The following MACROD2 variants were observed in gnomAD, a reference collection of about 807,000 sequenced individuals.
MACROD2 encodes mono-ADP ribosylhydrolase 2, also known as ADP-ribose glycohydrolase MACROD2.
A neutral mutation model predicts 70.4 loss-of-function variants in MACROD2; 36 were observed. The ratio of observed to expected loss-of-function variants is 0.51; its 90% CI spans 0.39 to 0.68. The LOEUF is 0.68. Ranked by LOEUF, MACROD2 falls within the 30% of genes least tolerant of loss-of-function variation. The probability of loss-of-function intolerance (pLI) is 0.00; values close to 1 mark genes in which losing one functional copy is unlikely to be tolerated. For missense variants in MACROD2, 496 were observed against 538.4 expected (o/e 0.92, Z 0.78); for synonymous variants, 172 against 178.8 (o/e 0.96, Z 0.30).
intron 3 of MACROD2, among the ~76,000 whole-genome samples, chr20:14,271,837 C>T (rs1360577749): frequency 2.6e-5 from 4 of 151,936 alleles, no homozygotes; most frequent in South Asian, 2.1e-4. Flanking sequence ...TCGAGAACTA[C>T]GTGAAGAACA....
intron 8 of MACROD2, among the ~76,000 whole-genome samples, chr20:15,570,452 C>G (rs1205214468): frequency 6.6e-6 from 1 of 152,114 alleles, no homozygotes; most frequent in Non-Finnish European, 1.5e-5. Context: ...GACTACAACT[C>G]GTATGTACAT....
intron 2 of MACROD2, among the ~76,000 whole-genome samples, chr20:14,082,476 G>A (rs867287798): frequency 1.3e-5 from 2 of 151,292 alleles, no homozygotes; most frequent in Non-Finnish European, 2.9e-5. Flanking sequence ...ACAGGCGTGA[G>A]CCACCGCGCC....
chr20:15,586,802 CAA>C (rs1568912370), intron 8 of MACROD2, among the ~76,000 whole-genome samples: 1 of 151,838 alleles, frequency 6.6e-6, no homozygotes, highest in Admixed American at 6.6e-5. Flanking sequence ...AAGCAATAAA[CAA>C]AGAGAATATA....
intron 3 of MACROD2, among the ~76,000 whole-genome samples, chr20:14,135,857 G>A (rs2054788874): frequency 6.6e-6 from 1 of 152,108 alleles, no homozygotes; most frequent in Admixed American, 6.5e-5. Flanking sequence ...GAACTTTAGG[G>A]ATATCTCTGA....
intron 3 of MACROD2, among the ~76,000 whole-genome samples, chr20:14,366,163 G>A (rs1240285139): frequency 6.6e-6 from 1 of 152,024 alleles, no homozygotes; most frequent in East Asian, 1.9e-4. Flanking sequence ...TTAATCTCAT[G>A]TCTAAATATT....
intron 15 of MACROD2, among the ~76,000 whole-genome samples, chr20:15,989,459 C>T (rs936704135): frequency 6.6e-6 from 1 of 152,164 alleles, no homozygotes; most frequent in African/African-American, 2.4e-5. Flanking sequence ...CCTTGTTTGT[C>T]AGTATCTCAA....
chr20:15,545,042 G>A (rs751873176), intron 8 of MACROD2, among the ~76,000 whole-genome samples: 1 of 152,208 alleles, frequency 6.6e-6, no homozygotes, highest in African/African-American at 2.4e-5. Flanking sequence ...TTTATACTCT[G>A]CTTTCAAGTA....
intron 5 of MACROD2, among the ~76,000 whole-genome samples, chr20:15,130,644 A>T (rs559823269): frequency 6.6e-6 from 1 of 152,236 alleles, no homozygotes; most frequent in East Asian, 1.9e-4. Flanking sequence ...AAAGCTAATT[A>T]ACTTTTGCAA....
At chr20:16,007,827 G>A (rs1258682226) in intron 15 of MACROD2, among the ~76,000 whole-genome samples, 1 of 152,044 alleles carries the variant, frequency 6.6e-6, no homozygotes, top group Non-Finnish European at 1.5e-5. Context: ...AACAGAGTAT[G>A]ACACTCGAGA....
At chr20:15,422,463 A>G (rs1202667308) in intron 6 of MACROD2, among the ~76,000 whole-genome samples, 1 of 152,092 alleles carries the variant, frequency 6.6e-6, no homozygotes, top group East Asian at 1.9e-4. Context: ...GAAATCCTTT[A>G]GTATTCCTTT....
At chr20:16,046,260 T>C (rs2067379664) in intron 17 of MACROD2, among the ~76,000 whole-genome samples, 2 of 152,198 alleles carry the variant, frequency 1.3e-5, no homozygotes, top group South Asian at 4.1e-4. Flanking sequence ...TAATGGTATC[T>C]GTGTAATGCA....
chr20:14,216,826 TA>T (rs1186616820), intron 3 of MACROD2, among the ~76,000 whole-genome samples: 1 of 152,172 alleles, frequency 6.6e-6, no homozygotes, highest in African/African-American at 2.4e-5. Flanking sequence ...TGTTGGTGTA[TA>T]GAAGAGCTAC....
chr20:15,702,241 C>T (rs2050471020), intron 8 of MACROD2, among the ~76,000 whole-genome samples: 1 of 152,232 alleles, frequency 6.6e-6, no homozygotes, highest in South Asian at 2.1e-4. Context: ...AAATCTCCAA[C>T]TTGCTTTCCA....
intron 8 of MACROD2, among the ~76,000 whole-genome samples, chr20:15,715,192 G>A (rs2050690640): frequency 6.6e-6 from 1 of 151,954 alleles, no homozygotes; most frequent in African/African-American, 2.4e-5. Flanking sequence ...GAGAAAACCA[G>A]TTCACTTTGG....
intron 3 of MACROD2, among the ~76,000 whole-genome samples, chr20:14,489,317 A>G (rs1424255078): frequency 6.6e-6 from 1 of 152,200 alleles, no homozygotes; most frequent in African/African-American, 2.4e-5. Context: ...GTCTGCGTAG[A>G]TTGTATTTTC....
chr20:15,203,706 A>C (rs1210236937), intron 5 of MACROD2, among the ~76,000 whole-genome samples: 1 of 152,132 alleles, frequency 6.6e-6, no homozygotes, highest in African/African-American at 2.4e-5. Flanking sequence ...AGTGCATTAC[A>C]ATAAAACATG....
At chr20:15,288,867 G>GTCTGTCTATCTATCTATCTA (rs71340213) in intron 6 of MACROD2, among the ~76,000 whole-genome samples, 16 of 146,852 alleles carry the variant, frequency 1.1e-4, no homozygotes, top group African/African-American at 2.5e-4. Context: ...CTGTCTGTCT[G>GTCTGTCTATCTATCTATCTA]TCTATCTATC....
At chr20:15,295,540 AT>A (rs1306603224) in intron 6 of MACROD2, among the ~76,000 whole-genome samples, 1 of 151,780 alleles carries the variant, frequency 6.6e-6, no homozygotes, top group Non-Finnish European at 1.5e-5. Context: ...ATAGAATGCC[AT>A]TTTGCAAACC....
chr20:15,797,357 C>T (rs1210966059), intron 8 of MACROD2, among the ~76,000 whole-genome samples: 1 of 152,070 alleles, frequency 6.6e-6, no homozygotes, highest in South Asian at 2.1e-4. Context: ...CCTCGTGATC[C>T]GCCCGCCCCA....
Sources: gnomAD v4.1 joint callset for allele counts (sites outside exome capture counted in the v4.1 genomes callset) on GRCh38, gnomAD v4.1.1 for gene constraint, MANE v1.5 for transcripts, NCBI Gene and HGNC (gene_info 2026-07-23, HGNC 2026-07-21) for gene names.